The following GRB10 variants were observed in gnomAD, a reference collection of about 807,000 sequenced individuals.
GRB10 encodes growth factor receptor-bound protein 10.
Under a neutral mutation model 80.9 loss-of-function variants are expected in GRB10, and 20 were observed. The observed-to-expected ratio is 0.25, with a 90% CI of 0.17 to 0.36. The LOEUF (loss-of-function observed/expected upper bound fraction) is 0.36, where lower values mean the gene tolerates loss of function less well. Among genes scored for constraint, GRB10 ranks in the 10% least tolerant of loss-of-function variants. GRB10 has a pLI of 1.00. For missense variants in GRB10, 548 were observed against 747.7 expected (o/e 0.73, Z 3.12); for synonymous variants, 291 against 291.5 (o/e 1.00, Z 0.02).
intron 10 of GRB10, among the ~76,000 whole-genome samples, 179 bp from the exon 11 acceptor site, chr7:50,616,526 T>C (rs1167041369): frequency 6.6e-6 from 1 of 152,238 alleles, no homozygotes; most frequent in Non-Finnish European, 1.5e-5. Context: ...GCATAGAACA[T>C]AATTCGTATT....
upstream of GRB10, among the ~76,000 whole-genome samples, chr7:50,783,436 T>TCACA (rs10647493): frequency 0.19 from 28,392 of 150,024 alleles, 5,212 homozygotes; most frequent in African/African-American, 0.46. Context: ...CACACACACC[T>TCACA]CACACACACA....
chr7:50,693,103 A>G (rs1214514007), intron 5 of GRB10, among the ~76,000 whole-genome samples: 1 of 152,198 alleles, frequency 6.6e-6, no homozygotes, highest in Non-Finnish European at 1.5e-5. Context: ...AGTGATTCCT[A>G]ACTTACCCCC....
intron 5 of GRB10, among the ~76,000 whole-genome samples, chr7:50,688,954 C>T (rs1011093932): frequency 6.6e-6 from 1 of 152,128 alleles, no homozygotes; most frequent in East Asian, 1.9e-4. Context: ...AGGAAGTACT[C>T]CCAACCAAGG....
At chr7:50,741,746 A>G (rs192415121) in intron 3 of GRB10, among the ~76,000 whole-genome samples, 3 of 152,290 alleles carry the variant, frequency 2.0e-5, no homozygotes, top group Non-Finnish European at 2.9e-5. Context: ...CATGAAATGC[A>G]TATTTTATAA....
intron 8 of GRB10, among the ~76,000 whole-genome samples, chr7:50,623,488 C>A (rs116488478): frequency 6.6e-6 from 1 of 152,150 alleles, no homozygotes; most frequent in South Asian, 2.1e-4. Context: ...CAGCACAGAG[C>A]GGGCAGGAAA....
chr7:50,604,027 C>A lies in GRB10; in HGVS notation c.1515G>T (p.Arg505Ser), dbSNP rs2048083403. Residue 505 changes from arginine (R) to serine (S), a missense_variant, in exon 17 of 19, where the codon AGG (arginine) becomes AGT (serine). Around this residue, in one of 4 missense-constraint regions of GRB10, gnomAD observed 270 missense variants for 433.6 expected, o/e 0.62. Transcript: ENST00000401949. ...HGRISREESH[R>S]IIKQQGLVDG... ...CCACGAGCCCTTGCTGTTTAATGAT[C>A]CTGTGGGATTCCTCCCTGGAGATCC... 6.2e-7 allele frequency: 1 copy of A among 1,614,000 alleles called. No homozygotes were observed. The highest frequency in any genetic ancestry group is 8.5e-7 in the Non-Finnish European group (1 of 1,179,852).
At chr7:50,651,959 T>G (rs1360777759) in intron 7 of GRB10, among the ~76,000 whole-genome samples, 1 of 152,260 alleles carries the variant, frequency 6.6e-6, no homozygotes, top group Non-Finnish European at 1.5e-5. Flanking sequence ...CGACCCTCAC[T>G]GGACGCCCAG....
At chr7:50,629,022 T>C (rs1204258565) in intron 7 of GRB10, among the ~76,000 whole-genome samples, 7 of 152,248 alleles carry the variant, frequency 4.6e-5, no homozygotes, top group South Asian at 2.1e-4. Context: ...GCTCCAACAA[T>C]GCTTTATAAA....
chr7:50,629,412 C>T (rs1010396434), intron 7 of GRB10, among the ~76,000 whole-genome samples: 27 of 152,174 alleles, frequency 1.8e-4, no homozygotes, highest in African/African-American at 6.0e-4. Flanking sequence ...TTTTAGATTC[C>T]CACAGAGGCT....
At chr7:50,752,974 T>A (rs1398119655) in intron 3 of GRB10, among the ~76,000 whole-genome samples, 1 of 152,194 alleles carries the variant, frequency 6.6e-6, no homozygotes, top group Admixed American at 6.5e-5. Flanking sequence ...ACTGAGACCA[T>A]TGGGACCATT....
intron 8 of GRB10, among the ~76,000 whole-genome samples, chr7:50,623,349 C>T (rs887633285): frequency 1.3e-5 from 2 of 152,216 alleles, no homozygotes; most frequent in Non-Finnish European, 2.9e-5. Flanking sequence ...CTTCACCTAC[C>T]AGGGCAAGGG....
intron 7 of GRB10, among the ~76,000 whole-genome samples, chr7:50,658,437 G>A (rs538957321): frequency 6.6e-6 from 1 of 152,334 alleles, no homozygotes; most frequent in Admixed American, 6.5e-5. Context: ...CCTGTTGCTA[G>A]CAAAATAGGC....
At chr7:50,707,272 C>T (rs1010906220) in intron 4 of GRB10, among the ~76,000 whole-genome samples, 2 of 152,122 alleles carry the variant, frequency 1.3e-5, no homozygotes, top group Admixed American at 6.5e-5. Flanking sequence ...TGACTCCTTC[C>T]CCCCAAAAGT....
At chr7:50,774,868 C>T (rs1218621063) in intron 2 of GRB10, among the ~76,000 whole-genome samples, 2 of 151,856 alleles carry the variant, frequency 1.3e-5, no homozygotes, top group Non-Finnish European at 2.9e-5. Flanking sequence ...CTTCAGACTT[C>T]AGCAGTGGCT....
chr7:50,646,194 T>C (rs373400734), intron 7 of GRB10, among the ~76,000 whole-genome samples: 13 of 152,220 alleles, frequency 8.5e-5, no homozygotes, highest in African/African-American at 3.1e-4. Flanking sequence ...AACATCTCAG[T>C]AGCGTCTTTT....
chr7:50,768,331 G>GT (rs139358357), intron 2 of GRB10, among the ~76,000 whole-genome samples: 1,591 of 152,316 alleles, frequency 0.01, 34 homozygotes, highest in African/African-American at 0.036. Context: ...CCTGGCTCTT[G>GT]TAACTTGGGT....
Position 50,592,866 on chromosome 7 carries a change from C to G in GRB10, c.*86G>C. The G allele has an allele frequency of 6.9e-7, 1 of 1,451,284 alleles. No homozygotes were observed. Among genetic ancestry groups the G allele is most frequent in the South Asian group, 1.1e-5 (1 of 87,344 alleles). 89.9% of individuals were successfully genotyped at this position (1,451,284 alleles called of 1,614,324 possible). A position where few individuals can be genotyped will look rare whatever the true frequency, so the allele number is the denominator to read the frequency against. On this transcript the variant is annotated 3_prime_UTR_variant, in exon 19 of 19. Coordinates refer to ENST00000401949, the MANE Select transcript of GRB10 (RefSeq NM_001350814.2). Reference sequence around the variant, plus strand: ...CGCTCTGGGTCCCCAGGTGCAGAATCGATGTGTGTTCTTCACCAACGCACA... The same window carrying G: ...CGCTCTGGGTCCCCAGGTGCAGAATGGATGTGTGTTCTTCACCAACGCACA...
chr7:50,617,061 A>G (rs868099520), intron 10 of GRB10, among the ~76,000 whole-genome samples: 15 of 152,158 alleles, frequency 9.9e-5, no homozygotes, highest in African/African-American at 3.6e-4. Context: ...GTCTCAAGAG[A>G]TCACTGCACA....
At chr7:50,620,095 C>T (rs2153583830) in intron 8 of GRB10, among the ~76,000 whole-genome samples, 1 of 152,348 alleles carries the variant, frequency 6.6e-6, no homozygotes, top group South Asian at 2.1e-4. Context: ...AGAGAGGCCG[C>T]ACTGCTCCCT....
Sources: allele counts gnomAD v4.1 joint callset (sites outside exome capture counted in the v4.1 genomes callset), GRCh38; gene constraint gnomAD v4.1.1; regional missense constraint gnomAD v4.1.1; transcripts MANE v1.5; gene names NCBI Gene and HGNC (gene_info 2026-07-23, HGNC 2026-07-21).